The following GRIP1 variants were observed in gnomAD, a reference collection of about 807,000 sequenced individuals.
GRIP1 encodes glutamate receptor interacting protein 1.
In GRIP1, 45 loss-of-function variants were observed where a neutral mutation model predicts 129.9. The observed-to-expected ratio is 0.35, with a 90% CI of 0.27 to 0.44. The LOEUF (loss-of-function observed/expected upper bound fraction) is 0.44. GRIP1 is among the 20% of genes least tolerant of loss of function. The pLI is 1.00. For missense variants in GRIP1, 1,196 were observed against 1,396.8 expected, an observed-to-expected ratio of 0.86 and a Z score of 2.29; for synonymous variants, 530 against 520.8, an observed-to-expected ratio of 1.02 and a Z score of -0.24.
chr12:66,646,580 G>T (rs576802031), intron 1 of GRIP1, among the ~76,000 whole-genome samples: 11 of 152,346 alleles, frequency 7.2e-5, no homozygotes, highest in African/African-American at 2.4e-4. Context: ...GACCACATAA[G>T]AGAGGTACTG....
At chr12:66,669,434 C>T (rs1334310264) in intron 1 of GRIP1, among the ~76,000 whole-genome samples, 1 of 152,050 alleles carries the variant, frequency 6.6e-6, no homozygotes, top group African/African-American at 2.4e-5. Flanking sequence ...ATCCATTCGA[C>T]AGATACTTAT....
chr12:66,670,014 C>G (rs954894550), intron 1 of GRIP1, among the ~76,000 whole-genome samples: 4 of 152,138 alleles, frequency 2.6e-5, no homozygotes, highest in Admixed American at 2.6e-4. Context: ...TAGAAGATGA[C>G]TTTAACCAAT....
At chr12:67,003,896 A>G (rs1215119175) in intron 1 of GRIP1, among the ~76,000 whole-genome samples, 1 of 152,110 alleles carries the variant, frequency 6.6e-6, no homozygotes, top group African/African-American at 2.4e-5. Flanking sequence ...AGTTTTGGAG[A>G]CTAGAAGCCT....
At chr12:66,860,852 C>A (rs964312837) in intron 1 of GRIP1, among the ~76,000 whole-genome samples, 1 of 151,984 alleles carries the variant, frequency 6.6e-6, no homozygotes, top group Non-Finnish European at 1.5e-5. Context: ...TTTGAGTGAA[C>A]GACATGCTAG....
intron 1 of GRIP1, among the ~76,000 whole-genome samples, chr12:66,998,016 G>A (rs1259501462): frequency 6.6e-6 from 1 of 152,000 alleles, no homozygotes; most frequent in Non-Finnish European, 1.5e-5. Flanking sequence ...TTAAAACCAA[G>A]ACAAACTGAG....
At chr12:66,959,811 CATAG>C (rs917491448) in intron 1 of GRIP1, among the ~76,000 whole-genome samples, 7 of 151,730 alleles carry the variant, frequency 4.6e-5, no homozygotes, top group African/African-American at 1.2e-4. Flanking sequence ...AAAGTATGTA[CATAG>C]ATATTCATGT....
chr12:66,515,811 G>T (rs1165311191), intron 6 of GRIP1, 47 bp from the exon 7 acceptor site: 2 of 1,534,442 alleles, frequency 1.3e-6, no homozygotes, highest in Admixed American at 1.7e-5. Flanking sequence ...AGCATAATGG[G>T]GCTTAGTATT....
intron 9 of GRIP1, among the ~76,000 whole-genome samples, chr12:66,458,525 T>C (rs913387040): frequency 1.3e-5 from 2 of 152,122 alleles, no homozygotes; most frequent in African/African-American, 2.4e-5. Flanking sequence ...GCTGGGATTA[T>C]AGGTGCCCAC....
At chr12:66,938,775 G>A (rs1014256813) in intron 1 of GRIP1, among the ~76,000 whole-genome samples, 3 of 152,032 alleles carry the variant, frequency 2.0e-5, no homozygotes, top group East Asian at 1.9e-4. Context: ...TGGCCAACAT[G>A]GTGAAACCCC....
At chr12:67,058,679 C>T (rs1183840739) in intron 1 of GRIP1, among the ~76,000 whole-genome samples, 2 of 152,220 alleles carry the variant, frequency 1.3e-5, no homozygotes, top group Non-Finnish European at 2.9e-5. Context: ...TTCAAAACTA[C>T]TTGTCAGCCT....
chr12:66,738,040 TG>T (rs1232950234), intron 1 of GRIP1, among the ~76,000 whole-genome samples: 2 of 152,020 alleles, frequency 1.3e-5, no homozygotes, highest in African/African-American at 4.8e-5. Context: ...AATTCACTTC[TG>T]GTGCCTGGGA....
chr12:66,723,440 G>A (rs1343500522), intron 1 of GRIP1, among the ~76,000 whole-genome samples: 7 of 150,746 alleles, frequency 4.6e-5, no homozygotes, highest in African/African-American at 1.5e-4. Flanking sequence ...AGCCTCCCGA[G>A]TAGCTGGGAC....
intron 1 of GRIP1, among the ~76,000 whole-genome samples, chr12:66,637,823 G>C (rs1422372550): frequency 6.6e-6 from 1 of 152,134 alleles, no homozygotes; most frequent in Admixed American, 6.6e-5. Context: ...TAAATAAACA[G>C]AGTGTAAAAC....
intron 1 of GRIP1, among the ~76,000 whole-genome samples, chr12:66,896,480 G>GAAAA (rs5798843): frequency 1.9e-5 from 2 of 107,842 alleles, no homozygotes; most frequent in Admixed American, 1.0e-4. Context: ...TGAGGAATTT[G>GAAAA]AAAAAAAAAA....
chr12:67,017,411 AT>A (rs2042803982), intron 1 of GRIP1, among the ~76,000 whole-genome samples: 1 of 152,104 alleles, frequency 6.6e-6, no homozygotes, highest in Admixed American at 6.6e-5. Context: ...AATTAGGTGT[AT>A]TTTAATGGGT....
At position 66,797,486 on chromosome 12, in the gene GRIP1, C is replaced by T. The variant is rs189880589; in HGVS notation, c.-420+6567G>A. Among the ~76,000 whole-genome samples, 45 of 152,262 alleles carry T rather than the reference C, an allele frequency of 3.0e-4. 1 individual carries two copies. The highest frequency in any genetic ancestry group is 6.8e-3 in the Middle Eastern group (2 of 294). Reference sequence around the variant, plus strand: ...TTTTACAAATAGGAAACTGAAGAAGCATACTGACCCAGGTGATTCATCCAA... The same window carrying T: ...TTTTACAAATAGGAAACTGAAGAAGTATACTGACCCAGGTGATTCATCCAA... On this transcript the variant is annotated intron_variant, in intron 1 of 4. Transcript: ENST00000538373.
At chr12:67,069,326 CGGCGGCCGGGCCG>C (rs1034376796), upstream of GRIP1, among the ~76,000 whole-genome samples, 20 of 139,994 alleles carry the variant, frequency 1.4e-4, no homozygotes, top group African/African-American at 5.2e-4. Context: ...GCGGCGGCGG[CGGCGGCCGGGCCG>C]GGCCGGGCCG....
At chr12:66,488,210 A>G (rs1417354018) in intron 7 of GRIP1, among the ~76,000 whole-genome samples, 1 of 152,210 alleles carries the variant, frequency 6.6e-6, no homozygotes, top group African/African-American at 2.4e-5. Context: ...TTACTCTAAA[A>G]TTGATTACAT....
At chr12:66,785,642 TTC>T (rs1454076621) in intron 1 of GRIP1, among the ~76,000 whole-genome samples, 10 of 152,086 alleles carry the variant, frequency 6.6e-5, no homozygotes, top group Admixed American at 2.6e-4. Context: ...CAATCCAAAA[TTC>T]TCTCTTACTC....
Sources: allele counts gnomAD v4.1 joint callset (sites outside exome capture counted in the v4.1 genomes callset), GRCh38; gene constraint gnomAD v4.1.1; transcripts MANE v1.5; gene names NCBI Gene and HGNC (gene_info 2026-07-23, HGNC 2026-07-21).